The following CFAP299 variants were observed in gnomAD, a reference collection of about 807,000 sequenced individuals.
CFAP299 encodes cilia- and flagella-associated protein 299.
A neutral mutation model predicts 27.0 loss-of-function variants in CFAP299; 21 were observed. The observed-to-expected ratio is 0.78, with a 90% confidence interval of 0.55 to 1.12. The LOEUF (loss-of-function observed/expected upper bound fraction) is 1.12, where lower values mean the gene tolerates loss of function less well. CFAP299 is among the 50% of genes most tolerant of loss of function. The probability of loss-of-function intolerance (pLI) is 0.00; values close to 1 mark genes in which losing one functional copy is unlikely to be tolerated. For synonymous variants in CFAP299, 104 were observed against 98.1 expected (o/e 1.06, Z -0.36); for missense variants, 310 against 276.6 (o/e 1.12, Z -0.86).
chr4:80,588,491 T>A, intron 3 of CFAP299, among the ~76,000 whole-genome samples: 1 of 150,974 alleles, frequency 6.6e-6, no homozygotes, highest in East Asian at 1.9e-4. Context: ...TATATGAAAA[T>A]TTAATGACAT....
chr4:80,692,427 A>G (rs953406371), intron 3 of CFAP299, among the ~76,000 whole-genome samples: 4 of 152,246 alleles, frequency 2.6e-5, no homozygotes, highest in African/African-American at 9.6e-5. Context: ...GAAACCTGAG[A>G]AAAGCAAGCA....
intron 3 of CFAP299, among the ~76,000 whole-genome samples, chr4:80,648,261 T>G (rs1740122893): frequency 6.6e-6 from 1 of 152,136 alleles, no homozygotes; most frequent in African/African-American, 2.4e-5. Context: ...ATACTAGAAT[T>G]TATAAATGAC....
intron 4 of CFAP299, among the ~76,000 whole-genome samples, chr4:80,878,372 A>T (rs1279464138): frequency 1.3e-5 from 2 of 152,012 alleles, no homozygotes; most frequent in African/African-American, 4.8e-5. Flanking sequence ...GATAACTCTA[A>T]AGGCTTCATT....
At chr4:80,556,151 T>C (rs1734768121) in intron 2 of CFAP299, among the ~76,000 whole-genome samples, 1 of 152,080 alleles carries the variant, frequency 6.6e-6, no homozygotes, top group African/African-American at 2.4e-5. Flanking sequence ...TATGAACACA[T>C]AAGCCTTTAA....
chr4:80,403,335 C>G (rs574743185), intron 2 of CFAP299, among the ~76,000 whole-genome samples: 1 of 152,328 alleles, frequency 6.6e-6, no homozygotes, highest in African/African-American at 2.4e-5. Context: ...AGCAAATAAT[C>G]TTCAAGCAAA....
chr4:80,690,134 C>T lies in CFAP299; in HGVS notation c.333+106951C>T, dbSNP rs1284209599. Among the ~76,000 whole-genome samples the T allele has an allele frequency of 1.3e-4, 20 of 149,610 alleles. 2 individuals carry two copies. Among genetic ancestry groups the T allele is most frequent in the South Asian group, 4.2e-4 (2 of 4,754 alleles). ...CCACTGTCAACATTAGGCAGATCAA[C>T]GAGACAGAAAATCAACAAGGATACC... On this transcript the variant is annotated intron_variant, in intron 3 of 5. Coordinates refer to ENST00000358105, the MANE Select transcript of CFAP299 (RefSeq NM_152770.3).
chr4:80,790,001 T>G (rs1727458071), intron 3 of CFAP299, among the ~76,000 whole-genome samples: 1 of 151,992 alleles, frequency 6.6e-6, no homozygotes, highest in Non-Finnish European at 1.5e-5. Context: ...GGGGACTTGC[T>G]CAAGAATATC....
intron 2 of CFAP299, among the ~76,000 whole-genome samples, chr4:80,381,203 C>G (rs1426823605): frequency 6.6e-6 from 1 of 152,096 alleles, no homozygotes; most frequent in Non-Finnish European, 1.5e-5. Flanking sequence ...ATTTTTCTTT[C>G]ACTGAATTCT....
intron 3 of CFAP299, among the ~76,000 whole-genome samples, chr4:80,729,602 T>C (rs1403565696): frequency 7.2e-6 from 1 of 138,198 alleles, no homozygotes; most frequent in African/African-American, 2.7e-5. Context: ...CTTTTTTTTT[T>C]TTTTTTTTTT....
chr4:80,666,733 C>T (rs953177234), intron 3 of CFAP299, among the ~76,000 whole-genome samples: 1 of 152,132 alleles, frequency 6.6e-6, no homozygotes, highest in Non-Finnish European at 1.5e-5. Flanking sequence ...TTTCTTGTAA[C>T]TAAGTCTCTT....
At chr4:80,447,610 A>G (rs1728710561) in intron 2 of CFAP299, among the ~76,000 whole-genome samples, 1 of 151,388 alleles carries the variant, frequency 6.6e-6, no homozygotes, top group Non-Finnish European at 1.5e-5. Context: ...ATGCGCCACC[A>G]TGCCCTGCTA....
intron 3 of CFAP299, among the ~76,000 whole-genome samples, chr4:80,853,008 A>C (rs559975538): frequency 2.7e-5 from 4 of 150,886 alleles, no homozygotes; most frequent in Admixed American, 2.0e-4. Flanking sequence ...AAGAAAGGCA[A>C]TTTATTTTCT....
intron 1 of CFAP299, among the ~76,000 whole-genome samples, chr4:80,341,405 T>C (rs993614801): frequency 2.0e-5 from 3 of 152,152 alleles, no homozygotes; most frequent in Non-Finnish European, 2.9e-5. Context: ...AACAGGGGTC[T>C]CCAGACACCT....
rs576334912 is a variant in CFAP299, at chr4:80,483,592, AT to A, written c.243-99493del. On this transcript the variant is annotated intron_variant, in intron 2 of 5. Coordinates refer to ENST00000358105, the MANE Select transcript of CFAP299 (RefSeq NM_152770.3). ...TATAGCCAGAGGAAGTATGAGGTCT[AT>A]TTTTTTTAATCTGAATGAAAATATT... Among the ~76,000 whole-genome samples, 632 of 151,946 alleles carry A rather than the reference AT, an allele frequency of 4.2e-3. 3 individuals are homozygous for A. The highest frequency in any genetic ancestry group is 0.015 in the African/African-American group (604 of 41,470).
intron 4 of CFAP299, among the ~76,000 whole-genome samples, chr4:80,884,725 G>A (rs1405380728): frequency 8.1e-5 from 12 of 147,306 alleles, no homozygotes; most frequent in South Asian, 2.1e-4. Flanking sequence ...AATAAACAAA[G>A]TTGACATTCC....
intron 3 of CFAP299, among the ~76,000 whole-genome samples, chr4:80,852,113 C>T (rs573591122): frequency 6.6e-5 from 10 of 152,200 alleles, no homozygotes; most frequent in African/African-American, 2.4e-4. Context: ...ACCTTTATAC[C>T]TCCTTCCCGC....
chr4:80,476,325 G>A (rs1730271934), intron 2 of CFAP299, among the ~76,000 whole-genome samples: 1 of 152,122 alleles, frequency 6.6e-6, no homozygotes, highest in Admixed American at 6.6e-5. Context: ...TGTGCACAGG[G>A]TACACACGGG....
Position 80,611,822 on chromosome 4 carries a change from G to T in CFAP299, c.333+28639G>T, listed in dbSNP as rs143349064. On this transcript the variant is annotated intron_variant, in intron 3 of 5. Coordinates refer to ENST00000358105, the MANE Select transcript of CFAP299 (RefSeq NM_152770.3). ...GAAAACCCTGTCACTCACTATTGTA[G>T]GTCTTGACTCAAGAATAACTGAATT... 4.4e-3 allele frequency among the ~76,000 whole-genome samples: 664 copies of T among 152,104 alleles called. 5 individuals are homozygous for T. The highest frequency in any genetic ancestry group is 7.3e-3 in the South Asian group (35 of 4,822).
At chr4:80,762,866 T>C (rs1014144327) in intron 3 of CFAP299, among the ~76,000 whole-genome samples, 7 of 152,164 alleles carry the variant, frequency 4.6e-5, no homozygotes, top group African/African-American at 1.7e-4. Context: ...ATAGATCCCA[T>C]ACCAACTCCA....
Sources: gnomAD v4.1 joint callset for allele counts (sites outside exome capture counted in the v4.1 genomes callset) on GRCh38, gnomAD v4.1.1 for gene constraint, MANE v1.5 for transcripts, NCBI Gene and HGNC (gene_info 2026-07-23, HGNC 2026-07-21) for gene names.